Variants in AKT3 observed in about 807,000 individuals in gnomAD.
The protein encoded by AKT3 is AKT serine/threonine kinase 3, also known as RAC-gamma serine/threonine-protein kinase.
Under a neutral mutation model 65.3 loss-of-function variants are expected in AKT3, and 15 were observed. The observed-to-expected ratio is 0.23, with a 90% CI of 0.15 to 0.35. AKT3 has a LOEUF of 0.35. AKT3 is among the 10% of genes least tolerant of loss of function. The pLI, the probability that AKT3 is intolerant of heterozygous loss-of-function variation, is 1.00. For missense variants in AKT3, 243 were observed against 576.5 expected (o/e 0.42, Z 5.92); for synonymous variants, 206 against 183.8 (o/e 1.12, Z -0.98).
intron 3 of AKT3, among the ~76,000 whole-genome samples, chr1:243,685,049 T>C (rs1160836799): frequency 1.3e-5 from 2 of 152,230 alleles, no homozygotes; most frequent in African/African-American, 2.4e-5. Flanking sequence ...ATTCTGGATA[T>C]TAGCCCTTTG....
intron 3 of AKT3, among the ~76,000 whole-genome samples, chr1:243,672,188 G>A (rs1273288313): frequency 6.6e-6 from 1 of 152,172 alleles, no homozygotes; most frequent in East Asian, 1.9e-4. Context: ...TTGACATCTC[G>A]TTTCTCCAGG....
intron 3 of AKT3, among the ~76,000 whole-genome samples, chr1:243,675,389 C>T (rs1413415502): frequency 2.0e-5 from 3 of 152,082 alleles, no homozygotes; most frequent in Non-Finnish European, 2.9e-5. Flanking sequence ...TTAGTAGAGA[C>T]GGGGTTTCAC....
chr1:243,633,301 T>C (rs957782681), intron 6 of AKT3, among the ~76,000 whole-genome samples: 1 of 152,150 alleles, frequency 6.6e-6, no homozygotes, highest in African/African-American at 2.4e-5. Flanking sequence ...AGACAGTCAC[T>C]TAAAGTCAGA....
intron 8 of AKT3, among the ~76,000 whole-genome samples, chr1:243,586,524 T>C (rs915594952): frequency 1.3e-5 from 2 of 152,108 alleles, no homozygotes; most frequent in East Asian, 3.8e-4. Context: ...TATATATATA[T>C]GCCATGGAAT....
intron 2 of AKT3, among the ~76,000 whole-genome samples, chr1:243,796,257 G>C (rs1691999083): frequency 6.6e-6 from 1 of 152,330 alleles, no homozygotes; most frequent in Middle Eastern, 3.4e-3. Context: ...GAGATGTACA[G>C]GTGTAGCCAA....
intron 12 of AKT3, among the ~76,000 whole-genome samples, chr1:243,519,687 CAG>C (rs1670589469): frequency 6.6e-6 from 1 of 152,146 alleles, no homozygotes; most frequent in South Asian, 2.1e-4. Context: ...TCTCATTAAA[CAG>C]GGGTATTTCA....
chr1:243,517,568 G>A (rs550084887), intron 12 of AKT3, among the ~76,000 whole-genome samples: 36 of 152,226 alleles, frequency 2.4e-4, no homozygotes, highest in Admixed American at 1.4e-3. Flanking sequence ...CTTATCTCCA[G>A]CAATATTACT....
intron 13 of AKT3, chr1:243,489,025 T>C: frequency 6.2e-7 from 1 of 1,613,444 alleles, no homozygotes; most frequent in Non-Finnish European, 8.5e-7. Context: ...CTAAGGCAGC[T>C]GGATAAGCAC....
At chr1:243,844,567 T>C (rs148855925) in intron 1 of AKT3, among the ~76,000 whole-genome samples, 384 of 152,076 alleles carry the variant, frequency 2.5e-3, no homozygotes, top group Non-Finnish European at 4.2e-3. Context: ...CAGCCTCCAA[T>C]GGGGGTCAAG....
chr1:243,516,340 A>T (rs1670354535), intron 12 of AKT3, among the ~76,000 whole-genome samples: 1 of 152,246 alleles, frequency 6.6e-6, no homozygotes, highest in African/African-American at 2.4e-5. Context: ...AATCTGTAGC[A>T]GTGTCAACAT....
At chr1:243,848,313 G>T (rs1178097219) in intron 1 of AKT3, among the ~76,000 whole-genome samples, 2 of 152,096 alleles carry the variant, frequency 1.3e-5, no homozygotes, top group Non-Finnish European at 2.9e-5. Context: ...TTACAGTCCG[G>T]ATATATATCT....
chr1:243,645,592 A>C lies in AKT3; in HGVS notation c.429+301T>G, dbSNP rs74226418. ...CATCAGGGAAAACATTTTATTACAAAGTTTCTAAAATTGTATTAAAAATAA... is the reference window on the plus strand; with the variant it reads ...CATCAGGGAAAACATTTTATTACAACGTTTCTAAAATTGTATTAAAAATAA... On this transcript the variant is annotated intron_variant, in intron 5 of 13. Transcript: ENST00000673466. Among the ~76,000 whole-genome samples, 169 of 152,334 alleles carry C rather than the reference A, an allele frequency of 1.1e-3. 1 individual carries two copies. The East Asian group carries it at 0.03, about 27-fold the overall frequency.
At chr1:243,665,567 C>A (rs539922913) in intron 3 of AKT3, among the ~76,000 whole-genome samples, 3 of 152,188 alleles carry the variant, frequency 2.0e-5, no homozygotes, top group Non-Finnish European at 4.4e-5. Flanking sequence ...TATGGATTCT[C>A]TGACACTGGT....
chr1:243,787,779 C>T (rs1482502120), intron 2 of AKT3, among the ~76,000 whole-genome samples: 1 of 152,130 alleles, frequency 6.6e-6, no homozygotes, highest in Admixed American at 6.5e-5. Context: ...GAAGAAGTCT[C>T]TCCCTGTCTT....
At chr1:243,738,033 A>G (rs1687942215) in intron 2 of AKT3, among the ~76,000 whole-genome samples, 1 of 152,214 alleles carries the variant, frequency 6.6e-6, no homozygotes, top group Non-Finnish European at 1.5e-5. Flanking sequence ...TTAAAACAGA[A>G]GAAAGCAACA....
At chr1:243,496,276 G>C (rs1667841018), downstream of AKT3, among the ~76,000 whole-genome samples, 1 of 152,226 alleles carries the variant, frequency 6.6e-6, no homozygotes, top group Non-Finnish European at 1.5e-5. Flanking sequence ...GGTGCGGGCG[G>C]AGCCGGGCCT....
intron 13 of AKT3, chr1:243,489,028 A>C: frequency 6.2e-7 from 1 of 1,613,458 alleles, no homozygotes; most frequent in Non-Finnish European, 8.5e-7. Context: ...AGGCAGCTGG[A>C]TAAGCACAGC....
intron 2 of AKT3, among the ~76,000 whole-genome samples, chr1:243,763,178 G>A (rs1419008846): frequency 6.6e-6 from 1 of 151,988 alleles, no homozygotes; most frequent in Non-Finnish European, 1.5e-5. Flanking sequence ...TGAATAAACA[G>A]CCTACTCAGT....
intron 13 of AKT3, among the ~76,000 whole-genome samples, chr1:243,488,795 T>C (rs1486598276): frequency 6.6e-6 from 1 of 152,170 alleles, no homozygotes; most frequent in Non-Finnish European, 1.5e-5. Context: ...GATAGTGTAC[T>C]GAGATGGCTC....
Sources: allele counts gnomAD v4.1 joint callset (sites outside exome capture counted in the v4.1 genomes callset), GRCh38; gene constraint gnomAD v4.1.1; transcripts MANE v1.5; gene names NCBI Gene and HGNC (gene_info 2026-07-23, HGNC 2026-07-21).